The following MIR17HG variants were observed in gnomAD, a reference collection of about 807,000 sequenced individuals.
The protein encoded by MIR17HG is MIR17 host gene (non-protein coding).
chr13:91,350,875 T>C lies in MIR17HG; in HGVS notation n.284+649T>C, dbSNP rs752139383. ...CAAGCCAAGCAAGTATATAGGTGTT[T>C]TAATAGTTTTTGTTTGCAGTCCTCT... On this transcript the variant is annotated intron_variant and non_coding_transcript_variant, in intron 3 of 3. Coordinates refer to ENST00000400282, the Ensembl canonical transcript of MIR17HG. 2.2e-5 allele frequency: 12 copies of C among 534,730 alleles called. 1 individual carries two copies. The highest frequency in any genetic ancestry group is 1.5e-4 in the South Asian group (11 of 71,546). The allele number at this position is 534,730 out of a possible 1,614,324, so 33.1% of individuals were successfully genotyped here.
chr13:91,349,197 TC>T (rs1566342728), intron 1 of MIR17HG, among the ~76,000 whole-genome samples: 1 of 152,026 alleles, frequency 6.6e-6, no homozygotes, highest in Non-Finnish European at 1.5e-5. Context: ...GGTCTTCTGT[TC>T]CTAAACTGCA....
At chr13:91,353,765 G>GA (rs886889417) in intron 3 of MIR17HG, among the ~76,000 whole-genome samples, 14 of 148,134 alleles carry the variant, frequency 9.5e-5, no homozygotes, top group South Asian at 2.1e-4. Context: ...ATTTGGAGGG[G>GA]AAAAAATGGG....
intron 3 of MIR17HG, among the ~76,000 whole-genome samples, chr13:91,353,780 C>CTTTT (rs60480664): frequency 2.2e-5 from 3 of 137,158 alleles, no homozygotes; most frequent in East Asian, 2.1e-4. Context: ...AATGGGTCAA[C>CTTTT]TTTTTTTTTT....
intron 1 of MIR17HG, among the ~76,000 whole-genome samples, chr13:91,348,912 T>A (rs1470975100): frequency 6.8e-6 from 1 of 147,898 alleles, no homozygotes; most frequent in Admixed American, 6.7e-5. Flanking sequence ...CCCGCCCCTC[T>A]GGGCCGGGCT....
chr13:91,347,788 C>T (rs375393025), upstream of MIR17HG: 125 of 151,718 alleles, frequency 8.2e-4, 1 homozygote, highest in East Asian at 0.014. Flanking sequence ...GGGACGACTA[C>T]CGCAGCGCCG....
rs9589207 is a variant in MIR17HG, at chr13:91,351,335, G to A, written n.284+1109G>A. Reference sequence around the variant, plus strand: ...ACCCCTTTCTACACAGGTTGGGATCGGTTGCAATGCTGTGTTTCTGTATGG... The same window carrying A: ...ACCCCTTTCTACACAGGTTGGGATCAGTTGCAATGCTGTGTTTCTGTATGG... On this transcript the variant is annotated intron_variant and non_coding_transcript_variant, in intron 3 of 3. Transcript: ENST00000400282. 4,262 of 531,700 alleles carry A rather than the reference G, an allele frequency of 8.0e-3. 156 individuals carry two copies. Among genetic ancestry groups the A allele is most frequent in the African/African-American group, 0.072 (3,762 of 51,996 alleles). 32.9% of individuals were successfully genotyped at this position (531,700 alleles called of 1,614,324 possible). A position where few individuals can be genotyped will look rare whatever the true frequency, so the allele number is the denominator to read the frequency against.
At chr13:91,353,700 G>T (rs1875437599) in intron 3 of MIR17HG, among the ~76,000 whole-genome samples, 1 of 151,568 alleles carries the variant, frequency 6.6e-6, no homozygotes, top group African/African-American at 2.4e-5. Flanking sequence ...TAACCTTGAA[G>T]TTGCTTGAGA....
exon 4 of MIR17HG, chr13:91,354,229 ATTC>A (rs1222249881): frequency 6.6e-6 from 1 of 152,204 alleles, no homozygotes; most frequent in African/African-American, 2.4e-5. Flanking sequence ...ACTTCAGATT[ATTC>A]TTTAGCTTAG....
exon 4 of MIR17HG, chr13:91,353,996 C>G (rs928461487): frequency 1.3e-5 from 2 of 152,686 alleles, no homozygotes; most frequent in Non-Finnish European, 2.9e-5. Flanking sequence ...CACACTGACT[C>G]CTGACAAAAT....
At chr13:91,349,038 C>A (rs1347632699) in intron 1 of MIR17HG, among the ~76,000 whole-genome samples, 1 of 151,530 alleles carries the variant, frequency 6.6e-6, no homozygotes, top group Non-Finnish European at 1.5e-5. Context: ...GGGGGGGTTG[C>A]CGCGTCCGGC....
chr13:91,354,112 A>G (rs1210292936), exon 4 of MIR17HG: 1 of 152,278 alleles, frequency 6.6e-6, no homozygotes, highest in Non-Finnish European at 1.5e-5. Flanking sequence ...GTCTAACTTT[A>G]GAGAATTAAG....
chr13:91,348,642 C>A (rs1251927970), intron 1 of MIR17HG, among the ~76,000 whole-genome samples: 3 of 150,890 alleles, frequency 2.0e-5, no homozygotes, highest in Non-Finnish European at 3.0e-5. Context: ...GGGCCCGCAA[C>A]TTCCCCGCCG....
chr13:91,353,302 A>C (rs1284855874), intron 3 of MIR17HG, among the ~76,000 whole-genome samples: 1 of 152,176 alleles, frequency 6.6e-6, no homozygotes, highest in Non-Finnish European at 1.5e-5. Context: ...AAAGACTTAA[A>C]TGGCTTTTCT....
intron 1 of MIR17HG, among the ~76,000 whole-genome samples, chr13:91,348,490 C>T (rs958475087): frequency 6.6e-6 from 1 of 151,154 alleles, no homozygotes; most frequent in African/African-American, 2.4e-5. Context: ...CGCCAGCGGG[C>T]GGCGTGGCGT....
At chr13:91,353,682 A>C (rs998013274) in intron 3 of MIR17HG, among the ~76,000 whole-genome samples, 2 of 152,198 alleles carry the variant, frequency 1.3e-5, no homozygotes, top group African/African-American at 4.8e-5. Flanking sequence ...CTTGTTCTTA[A>C]AATGCTTTAA....
Position 91,351,819 on chromosome 13 carries a change from G to GT in MIR17HG, n.284+1600dup, listed in dbSNP as rs930576102. On this transcript the variant is annotated intron_variant and non_coding_transcript_variant, in intron 3 of 3. Transcript: ENST00000400282. ...TGTTTAAAGCAATGTGTAAAGATGA[G>GT]TTTTTTTAAGCATGGAATTTAGGGT... 4.4e-5 allele frequency: 7 copies of GT among 159,718 alleles called. No individual in the cohort carries two copies. In the East Asian group the frequency reaches 6.9e-4, roughly 16 times the overall value. The allele number at this position is 159,718 out of a possible 1,614,324, so 9.9% of individuals were successfully genotyped here.
At chr13:91,348,377 C>G (rs1382673276) in intron 1 of MIR17HG, among the ~76,000 whole-genome samples, 2 of 150,380 alleles carry the variant, frequency 1.3e-5, no homozygotes, top group Non-Finnish European at 3.0e-5. Flanking sequence ...GAAAGTTTCT[C>G]CCGAGGGCGA....
chr13:91,348,129 C>G (rs1356909989), intron 1 of MIR17HG, among the ~76,000 whole-genome samples: 1 of 115,116 alleles, frequency 8.7e-6, no homozygotes. Flanking sequence ...GCAGCCGCAT[C>G]TGGCTGCCCC....
exon 4 of MIR17HG, chr13:91,354,171 GC>G (rs1418652559): frequency 6.6e-6 from 1 of 152,226 alleles, no homozygotes; most frequent in Non-Finnish European, 1.5e-5. Flanking sequence ...TCTGCACAGA[GC>G]CAGTTTTTAG....
Sources: allele counts gnomAD v4.1 joint callset (sites outside exome capture counted in the v4.1 genomes callset), GRCh38; gene constraint gnomAD v4.1.1; transcripts MANE v1.5; gene names NCBI Gene and HGNC (gene_info 2026-07-23, HGNC 2026-07-21).